The following KCNN2 variants were observed in gnomAD, a reference collection of about 807,000 sequenced individuals.
KCNN2 encodes the protein potassium calcium-activated channel subfamily N member 2, also known as small conductance calcium-activated potassium channel protein 2.
A neutral mutation model predicts 55.5 loss-of-function variants in KCNN2; 24 were observed. That is an observed-to-expected ratio of 0.43 (90% confidence interval 0.31 to 0.61). KCNN2 has a LOEUF of 0.61. Ranked by LOEUF, KCNN2 falls within the 20% of genes least tolerant of loss-of-function variation. The probability of loss-of-function intolerance (pLI) is 0.08; values close to 1 mark genes in which losing one functional copy is unlikely to be tolerated. For synonymous variants in KCNN2, 431 were observed against 336.1 expected, an observed-to-expected ratio of 1.28 and a Z score of -3.09; for missense variants, 754 against 853.6, an observed-to-expected ratio of 0.88 and a Z score of 1.45.
chr5:114,372,291 A>G (rs1328551556), intron 2 of KCNN2, among the ~76,000 whole-genome samples: 1 of 152,164 alleles, frequency 6.6e-6, no homozygotes, highest in African/African-American at 2.4e-5. Context: ...TCTTTGGACA[A>G]GCCAAGGTCA....
intron 2 of KCNN2, among the ~76,000 whole-genome samples, chr5:114,390,644 A>G (rs1339572302): frequency 6.6e-6 from 1 of 152,152 alleles, no homozygotes; most frequent in Non-Finnish European, 1.5e-5. Flanking sequence ...GAGCTCATCA[A>G]TTGTGGCATG....
At chr5:114,076,984 C>T (rs1032123506) in intron 1 of KCNN2, among the ~76,000 whole-genome samples, 2 of 152,214 alleles carry the variant, frequency 1.3e-5, no homozygotes, top group African/African-American at 2.4e-5. Context: ...CATGAGCCAC[C>T]GCGCCCGGCC....
At chr5:114,112,820 A>T (rs531975971) in intron 1 of KCNN2, among the ~76,000 whole-genome samples, 1 of 152,214 alleles carries the variant, frequency 6.6e-6, no homozygotes, top group South Asian at 2.1e-4. Context: ...TGCACATGAG[A>T]GTGAGGGCAT....
At chr5:114,443,102 C>T (rs547806187) in intron 3 of KCNN2, among the ~76,000 whole-genome samples, 1 of 152,076 alleles carries the variant, frequency 6.6e-6, no homozygotes, top group Non-Finnish European at 1.5e-5. Flanking sequence ...ACCAGCCTGA[C>T]CAACATGGTG....
chr5:114,110,262 A>G (rs1360636839), intron 1 of KCNN2, among the ~76,000 whole-genome samples: 1 of 152,048 alleles, frequency 6.6e-6, no homozygotes, highest in African/African-American at 2.4e-5. Context: ...TAATAGCAAT[A>G]TAAAGAAATG....
chr5:114,131,603 T>C (rs1752073827), intron 1 of KCNN2, among the ~76,000 whole-genome samples: 2 of 152,212 alleles, frequency 1.3e-5, no homozygotes, highest in African/African-American at 4.8e-5. Flanking sequence ...CGCATGCATA[T>C]ATCATCATAA....
chr5:114,059,287 A>G (rs997335421), intron 1 of KCNN2, among the ~76,000 whole-genome samples: 5 of 152,248 alleles, frequency 3.3e-5, no homozygotes, highest in Non-Finnish European at 7.3e-5. Flanking sequence ...ATTCACGTTC[A>G]AAGAAATCAT....
At chr5:114,387,779 G>C (rs1035855107) in intron 2 of KCNN2, among the ~76,000 whole-genome samples, 3 of 152,158 alleles carry the variant, frequency 2.0e-5, no homozygotes, top group Admixed American at 2.0e-4. Context: ...TCAGAGACTA[G>C]ACTCTCTGAC....
chr5:114,480,394 A>G (rs189480740), intron 5 of KCNN2, among the ~76,000 whole-genome samples: 1 of 152,258 alleles, frequency 6.6e-6, no homozygotes, highest in East Asian at 1.9e-4. Context: ...AAAACCCAGG[A>G]ACAGATACAT....
At chr5:114,263,853 G>T (rs1357934685) in intron 2 of KCNN2, among the ~76,000 whole-genome samples, 1 of 152,140 alleles carries the variant, frequency 6.6e-6, no homozygotes, top group African/African-American at 2.4e-5. Flanking sequence ...TTCCCCTTCA[G>T]CAAAGAGGCT....
At chr5:114,237,164 C>T (rs534319194) in intron 2 of KCNN2, among the ~76,000 whole-genome samples, 54 of 152,024 alleles carry the variant, frequency 3.6e-4, no homozygotes, top group African/African-American at 1.3e-3. Context: ...TAAGACCAAA[C>T]TGATTTCCAG....
intron 1 of KCNN2, among the ~76,000 whole-genome samples, chr5:114,089,850 C>G (rs1751100172): frequency 6.6e-6 from 1 of 152,106 alleles, no homozygotes; most frequent in African/African-American, 2.4e-5. Flanking sequence ...AGAAAAACTT[C>G]CAGAATTTTC....
At chr5:114,170,748 G>C (rs1168588237) in intron 1 of KCNN2, among the ~76,000 whole-genome samples, 2 of 151,798 alleles carry the variant, frequency 1.3e-5, no homozygotes, top group African/African-American at 4.8e-5. Context: ...CAAAAACCTA[G>C]TCATTTACCT....
intron 2 of KCNN2, among the ~76,000 whole-genome samples, chr5:114,256,540 T>C (rs539731964): frequency 1.5e-4 from 23 of 152,316 alleles, no homozygotes; most frequent in African/African-American, 5.1e-4. Flanking sequence ...CCAACATCTT[T>C]TGTTTTTTGA....
chr5:114,167,689 T>C (rs1226218647), intron 1 of KCNN2, among the ~76,000 whole-genome samples: 2 of 152,142 alleles, frequency 1.3e-5, no homozygotes, highest in Admixed American at 1.3e-4. Flanking sequence ...TATTGAGGTA[T>C]AATTGAAGTA....
intron 6 of KCNN2, among the ~76,000 whole-genome samples, chr5:114,487,547 A>T (rs1747634352): frequency 6.6e-6 from 1 of 152,204 alleles, no homozygotes; most frequent in South Asian, 2.1e-4. Context: ...AGTAGTGCAT[A>T]TAACTGATTT....
intron 5 of KCNN2, chr5:114,486,704 G>T: frequency 7.8e-7 from 1 of 1,283,820 alleles, no homozygotes; most frequent in Non-Finnish European, 1.0e-6. Flanking sequence ...GCAGGGAAAG[G>T]AAGATCATGG....
At chr5:114,068,415 A>T (rs761551405) in intron 1 of KCNN2, among the ~76,000 whole-genome samples, 7 of 152,326 alleles carry the variant, frequency 4.6e-5, no homozygotes, top group African/African-American at 7.2e-5. Context: ...CTGTAGTTGT[A>T]CCAGCCCCTG....
At position 114,449,908 on chromosome 5, in the gene KCNN2, A is replaced by ACACACACACACACACACTCGCGCGCGCG. The variant is rs1309590184; in HGVS notation, c.1638-13140_1638-13139insACACACACACACACACTCGCGCGCGCGC. On this transcript the variant is annotated intron_variant, in intron 3 of 7. Coordinates refer to ENST00000673685, the MANE Select transcript of KCNN2 (RefSeq NM_021614.4). Reference sequence around the variant, plus strand: ...CACACACACACACACACACACACACACGCGCGCGCTCGCGTGCGCGCACTC... The same window carrying ACACACACACACACACACTCGCGCGCGCG: ...CACACACACACACACACACACACACACACACACACACACACACTCGCGCGCGCGCGCGCGCGCTCGCGTGCGCGCACTC... 1.8e-4 allele frequency among the ~76,000 whole-genome samples: 12 copies of ACACACACACACACACACTCGCGCGCGCG among 66,186 alleles called. No individual in the cohort carries two copies. In the East Asian group the frequency reaches 0.037, roughly 204 times the overall value. 43.4% of individuals were successfully genotyped at this position (66,186 alleles called of 152,430 possible).
Sources: allele counts gnomAD v4.1 joint callset (sites outside exome capture counted in the v4.1 genomes callset), GRCh38; gene constraint gnomAD v4.1.1; transcripts MANE v1.5; gene names NCBI Gene and HGNC (gene_info 2026-07-23, HGNC 2026-07-21).